RGS12: variants seen among roughly 807,000 people sequenced by gnomAD.
RGS12 encodes regulator of G protein signaling 12.
In RGS12, 66 loss-of-function variants were observed where a neutral mutation model predicts 120.1. That is an observed-to-expected ratio of 0.55 (90% CI 0.45 to 0.67). RGS12 has a LOEUF of 0.67. Ranked by LOEUF, RGS12 falls within the 30% of genes least tolerant of loss-of-function variation. The probability of loss-of-function intolerance (pLI) is 0.00; values close to 1 mark genes in which losing one functional copy is unlikely to be tolerated. For missense variants in RGS12, 1,859 were observed against 1,957.7 expected, an observed-to-expected ratio of 0.95 and a Z score of 0.95; for synonymous variants, 827 against 804.7, an observed-to-expected ratio of 1.03 and a Z score of -0.47.
At chr4:3,288,606 G>A (rs1201857173), upstream of RGS12, among the ~76,000 whole-genome samples, 1 of 152,220 alleles carries the variant, frequency 6.6e-6, no homozygotes, top group African/African-American at 2.4e-5. This position sits in a 1 kb window ranked among gnomAD's most constrained non-coding sequence, Gnocchi z 5.2. Context: ...CCTGACACAA[G>A]CAAGCCCCCA....
At chr4:3,386,170 T>C (rs1355892375) in intron 3 of RGS12, 2 of 567,238 alleles carry the variant, frequency 3.5e-6, no homozygotes, top group East Asian at 2.9e-5. Flanking sequence ...TCAGACATGT[T>C]GGGATCTGTT....
intron 4 of RGS12, among the ~76,000 whole-genome samples, chr4:3,402,499 G>A (rs1302885706): frequency 6.6e-6 from 1 of 152,192 alleles, no homozygotes; most frequent in Non-Finnish European, 1.5e-5. Context: ...TTCAGTGGAA[G>A]CACAGGTCCC....
intron 10 of RGS12, among the ~76,000 whole-genome samples, chr4:3,421,496 C>T (rs1293579140): frequency 6.6e-6 from 1 of 152,226 alleles, no homozygotes; most frequent in Admixed American, 6.5e-5. Flanking sequence ...GTGTCTGGGT[C>T]GCCTGGGTGG....
chr4:3,413,846 A>G (rs1242569623), intron 4 of RGS12: 1 of 530,168 alleles, frequency 1.9e-6, no homozygotes, highest in Non-Finnish European at 3.4e-6. Context: ...GTGCACACAC[A>G]TGTGCAGCCG....
At chr4:3,341,073 C>T (rs1713037214) in intron 2 of RGS12, among the ~76,000 whole-genome samples, 1 of 150,940 alleles carries the variant, frequency 6.6e-6, no homozygotes, top group South Asian at 2.1e-4. Context: ...CCTCCCCGAG[C>T]ATCCTCTCGT....
chr4:3,308,124 C>T (rs1724070210), intron 1 of RGS12, among the ~76,000 whole-genome samples: 1 of 152,226 alleles, frequency 6.6e-6, no homozygotes, highest in African/African-American at 2.4e-5. Flanking sequence ...TGCACAGTGC[C>T]CGTCCATCTG....
chr4:3,416,918 C>A lies in RGS12; in HGVS notation c.2433C>A (p.Phe811Leu). 1 of 1,597,856 alleles carries A rather than the reference C, an allele frequency of 6.3e-7. No homozygotes were observed. The highest frequency in any genetic ancestry group is 1.1e-5 in the South Asian group (1 of 90,386). ...ACCTTACATCTTCTCCCCAGATCTT[C>A]AATCTCATGAAGTTTGATAGCTACA... ...DMFKEQQLQI[F>L]NLMKFDSYTR... Residue 811 changes from phenylalanine (F) to leucine (L), a missense_variant, in exon 8 of 18, where the codon TTC becomes TTA. Physicochemically the swap from Phe to Leu is conservative, Grantham distance 22. Transcript: ENST00000336727.
chr4:3,317,024 C>T lies in RGS12; in HGVS notation c.854C>T (p.Thr285Ile). The T allele has an allele frequency of 6.2e-7, 1 of 1,613,762 alleles. No individual in the cohort carries two copies. Among genetic ancestry groups the T allele is most frequent in the Non-Finnish European group, 8.5e-7 (1 of 1,180,030 alleles). The change falls in exon 2 of 18, where the codon ACT becomes ATT. Residue 285 changes from threonine to isoleucine, a missense_variant. By Grantham distance (89) the Thr-to-Ile change is moderately conservative. Transcript: ENST00000336727. ...KIMHDCVQLS[T>I]DKAGVVAEYP... ...ATGCACGACTGTGTGCAGCTGAGCA[C>T]TGACAAGGCTGGAGTCGTGGCCGAG...
chr4:3,392,139 A>C (rs1719568004), intron 4 of RGS12, among the ~76,000 whole-genome samples: 2 of 152,116 alleles, frequency 1.3e-5, no homozygotes, highest in Non-Finnish European at 2.9e-5. Context: ...GAGTGTGGGG[A>C]GAGCTCAAGG....
At chr4:3,309,684 AGGG>A (rs1724230073) in intron 1 of RGS12, among the ~76,000 whole-genome samples, 4 of 124,496 alleles carry the variant, frequency 3.2e-5, no homozygotes, top group Non-Finnish European at 6.6e-5. Context: ...GTGTCCGCTG[AGGG>A]GAACCGTGCA....
At position 3,414,061 on chromosome 4, in the gene RGS12, T is replaced by C. The variant is rs745870191; in HGVS notation, c.2021-11T>C. On this transcript the variant is annotated splice_polypyrimidine_tract_variant and intron_variant, in intron 4 of 17. Coordinates refer to ENST00000336727, the MANE Select transcript of RGS12 (RefSeq NM_001394154.1). ...GCAGGGGTGCAGGTGCTGTCTGTGC[T>C]GGTCCCGCAGAGTTGACGGGCGCCG... 1.3e-6 allele frequency: 2 copies of C among 1,543,880 alleles called. No homozygotes were observed. The highest frequency in any genetic ancestry group is 1.7e-6 in the Non-Finnish European group (2 of 1,147,452).
chr4:3,438,353 A>AC (rs35602900), intron 17 of RGS12, among the ~76,000 whole-genome samples: 10,123 of 149,286 alleles, frequency 0.068, 1,045 homozygotes, highest in African/African-American at 0.22. Flanking sequence ...CGGCAACGTC[A>AC]CCCCCACCGC....
chr4:3,300,016 G>A (rs1396420609), intron 1 of RGS12, among the ~76,000 whole-genome samples: 1 of 152,218 alleles, frequency 6.6e-6, no homozygotes, highest in Non-Finnish European at 1.5e-5. Context: ...CTAACTCTGT[G>A]CTGCAGTTTG....
At chr4:3,303,386 G>T (rs1490472055) in intron 1 of RGS12, among the ~76,000 whole-genome samples, 1 of 152,212 alleles carries the variant, frequency 6.6e-6, no homozygotes, top group Non-Finnish European at 1.5e-5. Flanking sequence ...ACAGCCACAG[G>T]GCACCTGCTG....
intron 2 of RGS12, 146 bp downstream of exon 2, chr4:3,318,197 G>T: frequency 1.4e-6 from 1 of 695,282 alleles, no homozygotes. Context: ...GGGTGTCTGC[G>T]TTGCCTGTGG....
intron 3 of RGS12, among the ~76,000 whole-genome samples, chr4:3,362,569 TTGG>T (rs1459237213): frequency 8.6e-6 from 1 of 115,640 alleles, no homozygotes; most frequent in Non-Finnish European, 1.8e-5. Context: ...GATGTGAGGG[TTGG>T]TGTGAGGGTG....
chr4:3,382,192 T>C (rs975131816), intron 3 of RGS12, among the ~76,000 whole-genome samples: 10 of 152,250 alleles, frequency 6.6e-5, no homozygotes, highest in Non-Finnish European at 1.2e-4. Context: ...TACCATGATA[T>C]CATTTTGCAT....
Position 3,386,461 on chromosome 4 carries a change from A to G in RGS12, c.2020+24A>G, listed in dbSNP as rs370595588. The G allele has an allele frequency of 2.5e-5, 39 of 1,591,692 alleles. No individual in the cohort carries two copies. In the African/African-American group the frequency reaches 3.6e-4, roughly 15 times the overall value. Reference sequence around the variant, plus strand: ...CGGTAAGTCACAATTTCTGATGTATATATTTTTTATTTTTCATAAAGTTTT... The same window carrying G: ...CGGTAAGTCACAATTTCTGATGTATGTATTTTTTATTTTTCATAAAGTTTT... On this transcript the variant is annotated intron_variant, in intron 4 of 17. Transcript: ENST00000336727.
At chr4:3,397,424 G>A (rs1006090806) in intron 4 of RGS12, among the ~76,000 whole-genome samples, 3 of 152,248 alleles carry the variant, frequency 2.0e-5, no homozygotes, top group African/African-American at 7.2e-5. Context: ...GGGAAGACAG[G>A]AAGAACCAGG....
Sources: gnomAD v4.1 joint callset for allele counts (sites outside exome capture counted in the v4.1 genomes callset) on GRCh38, gnomAD v4.1.1 for gene constraint, Gnocchi (gnomAD v3.1) non-coding constraint, MANE v1.5 for transcripts, NCBI Gene and HGNC (gene_info 2026-07-23, HGNC 2026-07-21) for gene names.